Variants in ATF3 observed in about 807,000 individuals in gnomAD.
ATF3 encodes cyclic AMP-dependent transcription factor ATF-3.
A neutral mutation model predicts 18.4 loss-of-function variants in ATF3; 10 were observed. The ratio of observed to expected loss-of-function variants is 0.54; its 90% confidence interval spans 0.34 to 0.92. ATF3 has a LOEUF of 0.92. Ranked by LOEUF, ATF3 falls within the 40% of genes least tolerant of loss-of-function variation. The probability of loss-of-function intolerance (pLI) is 0.02; values close to 1 mark genes in which losing one functional copy is unlikely to be tolerated. For missense variants in ATF3, 183 were observed against 222.3 expected, an observed-to-expected ratio of 0.82 and a Z score of 1.12; for synonymous variants, 78 against 87.9, an observed-to-expected ratio of 0.89 and a Z score of 0.63.
At chr1:212,595,174 T>C (rs551326914) in intron 1 of ATF3, among the ~76,000 whole-genome samples, 12 of 152,284 alleles carry the variant, frequency 7.9e-5, no homozygotes, top group Non-Finnish European at 1.6e-4. Flanking sequence ...AAAATATGTA[T>C]ATAAAGACCA....
intron 1 of ATF3, among the ~76,000 whole-genome samples, chr1:212,603,760 A>G (rs1045525024): frequency 2.5e-5 from 3 of 119,922 alleles, no homozygotes; most frequent in Non-Finnish European, 5.1e-5. Context: ...GATTATTAAA[A>G]TGTGTGTGTA....
chr1:212,570,583 C>G (rs1664462884), intron 1 of ATF3, among the ~76,000 whole-genome samples: 1 of 152,180 alleles, frequency 6.6e-6, no homozygotes, highest in African/African-American at 2.4e-5. Flanking sequence ...AAATTACCAT[C>G]ATCCCGGAAA....
chr1:212,594,266 T>C (rs1664947901), intron 1 of ATF3, among the ~76,000 whole-genome samples: 1 of 152,232 alleles, frequency 6.6e-6, no homozygotes, highest in African/African-American at 2.4e-5. Flanking sequence ...ACATGCTTCA[T>C]GAATTTAATG....
Position 212,618,338 on chromosome 1 carries a change from T to C in ATF3, c.348+104T>C, listed in dbSNP as rs780778116. 12 of 1,241,548 alleles carry C rather than the reference T, an allele frequency of 9.7e-6. No individual in the cohort carries two copies. The East Asian group carries it at 2.6e-4, about 26-fold the overall frequency. The allele number at this position is 1,241,548 out of a possible 1,614,324, so 76.9% of individuals were successfully genotyped here. A position where few individuals can be genotyped will look rare whatever the true frequency, so the allele number is the denominator to read the frequency against. Reference sequence around the variant, plus strand: ...TAGAAAACCCCCTACTTGGTTATAGTTTCCCAAGAAGGGCCTTGTAGCTGG... The same window carrying C: ...TAGAAAACCCCCTACTTGGTTATAGCTTCCCAAGAAGGGCCTTGTAGCTGG... On this transcript the variant is annotated intron_variant, in intron 3 of 3. Coordinates refer to ENST00000341491, the MANE Select transcript of ATF3 (RefSeq NM_001674.4). The surrounding 1 kb of genome is among the most constrained non-coding windows in gnomAD (Gnocchi z 4.4).
intron 1 of ATF3, among the ~76,000 whole-genome samples, chr1:212,577,025 C>A (rs963171371): frequency 6.6e-6 from 1 of 152,056 alleles, no homozygotes. Context: ...GCCACCGAGC[C>A]CGGCCCAAAA....
intron 1 of ATF3, among the ~76,000 whole-genome samples, chr1:212,602,190 T>G (rs1654500093): frequency 6.6e-6 from 1 of 152,190 alleles, no homozygotes; most frequent in African/African-American, 2.4e-5. Flanking sequence ...GCTTCTACCC[T>G]ACACCATCCC....
intron 1 of ATF3, among the ~76,000 whole-genome samples, chr1:212,576,187 T>G (rs948963712): frequency 6.6e-6 from 1 of 152,114 alleles, no homozygotes; most frequent in African/African-American, 2.4e-5. Context: ...CAAATTTTAT[T>G]TTTTTCTTGA....
chr1:212,606,676 C>A (rs755475727), upstream of ATF3, among the ~76,000 whole-genome samples: 14 of 152,240 alleles, frequency 9.2e-5, no homozygotes, highest in Non-Finnish European at 1.3e-4. Flanking sequence ...AAAAGCTTCA[C>A]GTGTTCTCCC....
At chr1:212,573,256 A>G (rs1664516899) in intron 1 of ATF3, among the ~76,000 whole-genome samples, 1 of 152,126 alleles carries the variant, frequency 6.6e-6, no homozygotes, top group African/African-American at 2.4e-5. Flanking sequence ...TGTTTGAAAT[A>G]AACACTTTTT....
chr1:212,584,704 A>G (rs1246364358), intron 1 of ATF3, among the ~76,000 whole-genome samples: 1 of 152,206 alleles, frequency 6.6e-6, no homozygotes, highest in African/African-American at 2.4e-5. Flanking sequence ...TGGGCACCCC[A>G]TGGCCCAGTC....
At chr1:212,583,592 A>G (rs1664724911) in intron 1 of ATF3, among the ~76,000 whole-genome samples, 1 of 152,216 alleles carries the variant, frequency 6.6e-6, no homozygotes, top group Non-Finnish European at 1.5e-5. Context: ...GAAAGCTGGC[A>G]TCATGGACAA....
chr1:212,612,133 T>G (rs1355993824), intron 1 of ATF3, among the ~76,000 whole-genome samples: 4 of 152,170 alleles, frequency 2.6e-5, no homozygotes, highest in African/African-American at 7.2e-5. Flanking sequence ...AACCCAAATC[T>G]CGACAGATAC....
At chr1:212,590,188 T>G (rs3125293) in intron 1 of ATF3, among the ~76,000 whole-genome samples, 47,223 of 151,788 alleles carry the variant, frequency 0.31, 7,588 homozygotes, top group East Asian at 0.54. Flanking sequence ...AGTGAAACAT[T>G]TTGGCATGTT....
chr1:212,572,023 T>C (rs1234029561), intron 1 of ATF3, among the ~76,000 whole-genome samples: 3 of 152,198 alleles, frequency 2.0e-5, no homozygotes, highest in African/African-American at 7.2e-5. Flanking sequence ...CCAATACTTT[T>C]ATTCTCTGCT....
At chr1:212,573,211 T>G (rs1664515894) in intron 1 of ATF3, among the ~76,000 whole-genome samples, 1 of 152,156 alleles carries the variant, frequency 6.6e-6, no homozygotes, top group Non-Finnish European at 1.5e-5. Flanking sequence ...TTAATAATAT[T>G]GCCTTAGTAT....
intron 1 of ATF3, among the ~76,000 whole-genome samples, chr1:212,586,090 T>C (rs1664774980): frequency 6.6e-6 from 1 of 152,172 alleles, no homozygotes; most frequent in South Asian, 2.1e-4. Flanking sequence ...GCTCCTTTTT[T>C]TGCACCAGAC....
At chr1:212,609,078 ACTT>A (rs764246287) in intron 1 of ATF3, 148 bp downstream of exon 1, 6 of 152,388 alleles carry the variant, frequency 3.9e-5, no homozygotes, top group South Asian at 4.1e-4. Flanking sequence ...TCTGGCTTAA[ACTT>A]CTTCTAAGCC....
At chr1:212,584,518 G>T (rs1463295314) in intron 1 of ATF3, among the ~76,000 whole-genome samples, 1 of 152,156 alleles carries the variant, frequency 6.6e-6, no homozygotes, top group Non-Finnish European at 1.5e-5. Context: ...AGGCAGTCAG[G>T]CAGGAGGAGT....
intron 1 of ATF3, among the ~76,000 whole-genome samples, chr1:212,579,028 T>C (rs1664632233): frequency 7.4e-6 from 1 of 134,964 alleles, no homozygotes; most frequent in Admixed American, 7.4e-5. Context: ...TTTTTTTTTT[T>C]TGAGACAGAG....
Sources: gnomAD v4.1 joint callset for allele counts (sites outside exome capture counted in the v4.1 genomes callset) on GRCh38, gnomAD v4.1.1 for gene constraint, Gnocchi (gnomAD v3.1) non-coding constraint, MANE v1.5 for transcripts, NCBI Gene and HGNC (gene_info 2026-07-23, HGNC 2026-07-21) for gene names.